Variants in SYMPK observed in about 807,000 individuals in gnomAD.
SYMPK encodes symplekin scaffold protein, also known as symplekin.
A neutral mutation model predicts 136.4 loss-of-function variants in SYMPK; 49 were observed. The observed-to-expected ratio is 0.36, with a 90% CI of 0.29 to 0.46. SYMPK has a LOEUF of 0.46. SYMPK is among the 20% of genes least tolerant of loss of function. The pLI, the probability that SYMPK is intolerant of heterozygous loss-of-function variation, is 1.00. For synonymous variants in SYMPK, 766 were observed against 713.0 expected, an observed-to-expected ratio of 1.07 and a Z score of -1.19; for missense variants, 1,365 against 1,690.0, an observed-to-expected ratio of 0.81 and a Z score of 3.37.
At chr19:45,833,837 A>G (rs924934195) in intron 11 of SYMPK, among the ~76,000 whole-genome samples, 6 of 152,202 alleles carry the variant, frequency 3.9e-5, no homozygotes, top group Non-Finnish European at 5.9e-5. Context: ...TCAAAACATC[A>G]TTTCATGAAC....
chr19:45,822,890 C>T (rs769982178), intron 20 of SYMPK, 44 bp from the exon 21 acceptor site: 200 of 1,483,166 alleles, frequency 1.3e-4, no homozygotes, highest in Non-Finnish European at 1.8e-4. Context: ...GTCACATACA[C>T]CCTCATTTCC....
intron 9 of SYMPK, among the ~76,000 whole-genome samples, chr19:45,841,793 T>C (rs895801020): frequency 6.6e-6 from 1 of 152,136 alleles, no homozygotes; most frequent in African/African-American, 2.4e-5. Flanking sequence ...CTCCACACTC[T>C]ACATAAAGCA....
At chr19:45,818,689 G>A (rs1037525549) in intron 22 of SYMPK, among the ~76,000 whole-genome samples, 1 of 152,186 alleles carries the variant, frequency 6.6e-6, no homozygotes, top group Admixed American at 6.5e-5. Context: ...AGCGAAGGGA[G>A]GGACAAGAGA....
chr19:45,816,649 C>G (rs1237575796), intron 24 of SYMPK, 72 bp from the exon 25 acceptor site: 1 of 1,593,816 alleles, frequency 6.3e-7, no homozygotes, highest in African/African-American at 1.3e-5. Context: ...ACCTCAGGTC[C>G]GGGGGCCCTA....
At chr19:45,832,080 C>T (rs1260321367) in intron 11 of SYMPK, among the ~76,000 whole-genome samples, 2 of 152,160 alleles carry the variant, frequency 1.3e-5, no homozygotes, top group Non-Finnish European at 1.5e-5. Context: ...TGGGCTCAAG[C>T]GATCCTCCCG....
At chr19:45,836,639 A>C (rs1349363448) in intron 10 of SYMPK, among the ~76,000 whole-genome samples, 1 of 151,268 alleles carries the variant, frequency 6.6e-6, no homozygotes, top group Non-Finnish European at 1.5e-5. Flanking sequence ...TCAAAAAAAA[A>C]ATGTATTATT....
At chr19:45,823,301 A>G in intron 20 of SYMPK, 71 bp downstream of exon 20, 2 of 1,477,072 alleles carry the variant, frequency 1.4e-6, no homozygotes, top group Non-Finnish European at 1.9e-6. Flanking sequence ...TGCTGAAGCA[A>G]CGTGCTGCCC....
intron 24 of SYMPK, 91 bp downstream of exon 24, chr19:45,816,707 A>C (rs1970750384): frequency 6.7e-7 from 1 of 1,494,900 alleles, no homozygotes; most frequent in Non-Finnish European, 8.9e-7. Context: ...GTCCGCCTCC[A>C]TCCAGTCCCC....
chr19:45,817,556 CAA>C (rs1335872619), intron 23 of SYMPK, among the ~76,000 whole-genome samples: 2 of 151,622 alleles, frequency 1.3e-5, no homozygotes, highest in Admixed American at 6.6e-5. Context: ...CTCGGCCTCC[CAA>C]AGAGTTGGCA....
chr19:45,837,028 A>G (rs1971318661), intron 10 of SYMPK, among the ~76,000 whole-genome samples: 1 of 152,224 alleles, frequency 6.6e-6, no homozygotes, highest in Non-Finnish European at 1.5e-5. Flanking sequence ...TTAATGAGCC[A>G]ATCACTTAAA....
intron 12 of SYMPK, 112 bp from the exon 13 acceptor site, chr19:45,830,316 C>T (rs990190337): frequency 9.9e-6 from 12 of 1,210,776 alleles, no homozygotes; most frequent in Non-Finnish European, 1.3e-5. Flanking sequence ...GCCCCCATCC[C>T]CCTGCTGCCT....
chr19:45,861,097 A>C (rs931440425), intron 1 of SYMPK, among the ~76,000 whole-genome samples: 1 of 152,156 alleles, frequency 6.6e-6, no homozygotes, highest in Non-Finnish European at 1.5e-5. Flanking sequence ...CAGTCAAAAC[A>C]TAAAAAAAAC....
rs759816874 is a variant in SYMPK at position 45,815,551 on chromosome 19, C to G, written c.*9G>C. On this transcript the variant is annotated 3_prime_UTR_variant, in exon 27 of 27. Coordinates refer to ENST00000245934, the MANE Select transcript of SYMPK (RefSeq NM_004819.3). ...TCCCTGTCCCACCCCCTTTCCCCCT[C>G]GAGCCCCGTCAGCTGTTCCCCTTGG... 6.4e-7 allele frequency: 1 copy of G among 1,552,308 alleles called. No individual in the cohort carries two copies. Among genetic ancestry groups the G allele is most frequent in the Admixed American group, 2.0e-5 (1 of 49,976 alleles).
intron 3 of SYMPK, 140 bp downstream of exon 3, chr19:45,854,035 C>T: frequency 1.3e-6 from 1 of 771,148 alleles, no homozygotes; most frequent in Non-Finnish European, 2.2e-6. Context: ...ACTAGAAGAG[C>T]AGAGGCCTGC....
At chr19:45,831,302 C>CACA in intron 12 of SYMPK, 82 bp downstream of exon 12, 1 of 1,185,370 alleles carries the variant, frequency 8.4e-7, no homozygotes, top group Non-Finnish European at 1.1e-6. Context: ...CACGCACACG[C>CACA]ACACGCACAC....
chr19:45,815,982 C>T lies in SYMPK; in HGVS notation c.3556G>A (p.Glu1186Lys). The change falls in exon 26 of 27, where the codon GAG becomes AAG. Residue 1186 changes from glutamate to lysine, a missense_variant. Around this residue, in one of 11 missense-constraint regions of SYMPK, gnomAD observed 341 missense variants for 270.5 expected, o/e 1.26. Coordinates refer to ENST00000245934, the MANE Select transcript of SYMPK (RefSeq NM_004819.3). The part of the protein sequence containing the change: ...PSARPGPPPS[E>K]EAMDFREEGP... ...TCCTCCCGGAAATCCATGGCTTCCTCAGACGGGGGCGGGCCTGGCCGGGCC... is the reference window on the plus strand; with the variant it reads ...TCCTCCCGGAAATCCATGGCTTCCTTAGACGGGGGCGGGCCTGGCCGGGCC... 6.2e-7 allele frequency: 1 copy of T among 1,608,654 alleles called. No individual in the cohort carries two copies.
intron 21 of SYMPK, 88 bp downstream of exon 21, chr19:45,822,668 T>C (rs566988216): frequency 1.6e-5 from 18 of 1,110,316 alleles, no homozygotes; most frequent in South Asian, 5.2e-5. Context: ...GTGCCCTCTC[T>C]CCCTGAGGGG....
chr19:45,839,813 C>T (rs1443789211), intron 9 of SYMPK, among the ~76,000 whole-genome samples: 2 of 151,652 alleles, frequency 1.3e-5, no homozygotes, highest in Non-Finnish European at 2.9e-5. Context: ...GCCTGGGCAA[C>T]AGAGCGAGAC....
Position 45,821,963 on chromosome 19 carries a change from G to A in SYMPK, c.2792-478C>T, listed in dbSNP as rs1970911833. Reference sequence around the variant, plus strand: ...GCTGGTGGAGTGGCTCTTTGCTGCTGCTATTTTGATGGTCCCAGAGCCATC... The same window carrying A: ...GCTGGTGGAGTGGCTCTTTGCTGCTACTATTTTGATGGTCCCAGAGCCATC... On this transcript the variant is annotated intron_variant, in intron 21 of 26. Coordinates refer to ENST00000245934, the MANE Select transcript of SYMPK (RefSeq NM_004819.3). This position sits in a 1 kb window ranked among gnomAD's most constrained non-coding sequence, Gnocchi z 4.4. Among the ~76,000 whole-genome samples the A allele has an allele frequency of 6.6e-6, 1 of 152,114 alleles. No individual in the cohort carries two copies. The highest frequency in any genetic ancestry group is 2.1e-4 in the South Asian group (1 of 4,828).
Sources: gnomAD v4.1 joint callset for allele counts (sites outside exome capture counted in the v4.1 genomes callset) on GRCh38, gnomAD v4.1.1 for gene constraint, gnomAD v4.1.1 regional missense constraint, Gnocchi (gnomAD v3.1) non-coding constraint, MANE v1.5 for transcripts, NCBI Gene and HGNC (gene_info 2026-07-23, HGNC 2026-07-21) for gene names.